PDE4D: variants seen among roughly 807,000 people sequenced by gnomAD.
PDE4D encodes 3',5'-cyclic-AMP phosphodiesterase 4D.
PDE4D carries 24 observed loss-of-function variants against 87.4 expected under a neutral mutation model. That is an observed-to-expected ratio of 0.27 (90% CI 0.20 to 0.39). The LOEUF (loss-of-function observed/expected upper bound fraction) is 0.39, where lower values mean the gene tolerates loss of function less well. Ranked by LOEUF, PDE4D falls within the 10% of genes least tolerant of loss-of-function variation. The pLI is 1.00. For synonymous variants in PDE4D, 384 were observed against 383.2 expected (o/e 1.00, Z -0.02); for missense variants, 714 against 1,041.0 (o/e 0.69, Z 4.32).
At chr5:60,350,492 C>T (rs1383122875) in intron 1 of PDE4D, among the ~76,000 whole-genome samples, 1 of 152,134 alleles carries the variant, frequency 6.6e-6, no homozygotes, top group African/African-American at 2.4e-5. Context: ...CAGAAAGGGT[C>T]ACAGCCTAGA....
intron 1 of PDE4D, among the ~76,000 whole-genome samples, chr5:59,585,342 T>C (rs891647978): frequency 6.6e-6 from 1 of 152,192 alleles, no homozygotes; most frequent in Non-Finnish European, 1.5e-5. Flanking sequence ...GACATTGTCA[T>C]AAAAGCAGCT....
intron 1 of PDE4D, among the ~76,000 whole-genome samples, chr5:59,873,008 A>T (rs926573750): frequency 6.6e-6 from 1 of 152,162 alleles, no homozygotes; most frequent in Non-Finnish European, 1.5e-5. Context: ...GTCTAACCAG[A>T]TACTCTGCAT....
intron 1 of PDE4D, among the ~76,000 whole-genome samples, chr5:59,260,727 C>A (rs1761851123): frequency 1.3e-5 from 2 of 151,206 alleles, no homozygotes; most frequent in Non-Finnish European, 1.5e-5. Context: ...CCAAAAAAAA[C>A]AAAGCTTCAA....
At chr5:59,768,649 G>A in intron 1 of PDE4D, 1 of 1,515,678 alleles carries the variant, frequency 6.6e-7, no homozygotes, top group Non-Finnish European at 8.8e-7. Flanking sequence ...TCTCTCTGTA[G>A]AGCCTGGGGC....
At chr5:59,310,877 GTGCTA>G (rs1195561648) in intron 1 of PDE4D, among the ~76,000 whole-genome samples, 3 of 152,172 alleles carry the variant, frequency 2.0e-5, no homozygotes, top group Admixed American at 6.5e-5. Context: ...GGGACCTACA[GTGCTA>G]TGTCCAGAGA....
intron 1 of PDE4D, among the ~76,000 whole-genome samples, chr5:59,830,099 T>C (rs1051608982): frequency 6.6e-6 from 1 of 152,032 alleles, no homozygotes; most frequent in Non-Finnish European, 1.5e-5. Flanking sequence ...AACATCAATA[T>C]GGGATGTGCT....
At chr5:59,622,945 C>T (rs935976907) in intron 1 of PDE4D, among the ~76,000 whole-genome samples, 2 of 152,122 alleles carry the variant, frequency 1.3e-5, no homozygotes, top group East Asian at 3.9e-4. Flanking sequence ...GTGATCACCA[C>T]CCAGTAAGAA....
chr5:60,020,073 C>A (rs1026006426), intron 2 of PDE4D, among the ~76,000 whole-genome samples: 4 of 151,874 alleles, frequency 2.6e-5, no homozygotes, highest in Non-Finnish European at 5.9e-5. Context: ...ATTAACTGGC[C>A]TAATTTTAAT....
intron 1 of PDE4D, among the ~76,000 whole-genome samples, chr5:59,540,107 C>T (rs539342956): frequency 1.3e-5 from 2 of 152,064 alleles, no homozygotes; most frequent in South Asian, 4.1e-4. Flanking sequence ...CCAGCAAGTT[C>T]CTAGGTGATA....
At chr5:59,379,465 TTTTC>T (rs1002564999) in intron 1 of PDE4D, among the ~76,000 whole-genome samples, 45 of 152,244 alleles carry the variant, frequency 3.0e-4, no homozygotes, top group African/African-American at 9.9e-4. Flanking sequence ...ATCTGGCTCA[TTTTC>T]TTTATTTTTA....
intron 1 of PDE4D, among the ~76,000 whole-genome samples, chr5:59,237,164 C>T (rs7704805): frequency 4.6e-5 from 7 of 152,124 alleles, no homozygotes; most frequent in African/African-American, 1.7e-4. Context: ...ATATGACCTC[C>T]AGTTCTTCCT....
chr5:59,493,584 T>A (rs1240508047), intron 1 of PDE4D, among the ~76,000 whole-genome samples: 1 of 152,248 alleles, frequency 6.6e-6, no homozygotes, highest in Non-Finnish European at 1.5e-5. Flanking sequence ...TCTCATCCAG[T>A]TATATTCATA....
In PDE4D at chr5:59,827,183, G is replaced by A. The variant is rs563693153; in HGVS notation, c.455+65985C>T. On this transcript the variant is annotated intron_variant, in intron 1 of 14. Transcript: ENST00000340635. ...AGATAGAAAAGCAAGGTGAGCAATAGTAGTTAAGACTGGTTAAATATTAGC... is the reference window on the plus strand; with the variant it reads ...AGATAGAAAAGCAAGGTGAGCAATAATAGTTAAGACTGGTTAAATATTAGC... Among the ~76,000 whole-genome samples the A allele has an allele frequency of 3.9e-4, 59 of 152,114 alleles. No homozygotes were observed. The South Asian group carries it at 9.8e-3, about 25-fold the overall frequency.
At chr5:59,216,585 T>A (rs1409083671) in intron 1 of PDE4D, among the ~76,000 whole-genome samples, 1 of 152,178 alleles carries the variant, frequency 6.6e-6, no homozygotes, top group Non-Finnish European at 1.5e-5. Flanking sequence ...GCTCTCAGGA[T>A]GAAGTCAAAA....
chr5:59,301,940 A>T (rs1770334031), intron 1 of PDE4D, among the ~76,000 whole-genome samples: 1 of 152,190 alleles, frequency 6.6e-6, no homozygotes, highest in Admixed American at 6.5e-5. Flanking sequence ...ATAAGATCCC[A>T]GGAACTAAGC....
chr5:60,108,627 A>C (rs1195712132), intron 2 of PDE4D, among the ~76,000 whole-genome samples: 7 of 152,242 alleles, frequency 4.6e-5, no homozygotes, highest in Non-Finnish European at 1.0e-4. Context: ...AGGCTACAGT[A>C]ACCAAAACAG....
intron 2 of PDE4D, among the ~76,000 whole-genome samples, chr5:60,135,461 G>A (rs758378953): frequency 2.6e-5 from 4 of 152,120 alleles, no homozygotes; most frequent in Admixed American, 6.5e-5. Context: ...GAAGACTAAC[G>A]TGCAAGATGA....
chr5:60,064,042 G>A (rs930571918), intron 2 of PDE4D, among the ~76,000 whole-genome samples: 3 of 151,932 alleles, frequency 2.0e-5, no homozygotes, highest in Admixed American at 6.6e-5. Flanking sequence ...ATACCTAAAT[G>A]TTCACTATAG....
At chr5:59,945,058 T>C (rs2152800964) in intron 3 of PDE4D, among the ~76,000 whole-genome samples, 1 of 152,362 alleles carries the variant, frequency 6.6e-6, no homozygotes, top group South Asian at 2.1e-4. Flanking sequence ...AGGATATTAT[T>C]AAGTATATTA....
Sources: allele counts gnomAD v4.1 joint callset (sites outside exome capture counted in the v4.1 genomes callset), GRCh38; gene constraint gnomAD v4.1.1; transcripts MANE v1.5; gene names NCBI Gene and HGNC (gene_info 2026-07-23, HGNC 2026-07-21).